Variants in STARD13 observed in about 807,000 individuals in gnomAD.
STARD13 encodes the protein StAR related lipid transfer domain containing 13.
A neutral mutation model predicts 106.4 loss-of-function variants in STARD13; 62 were observed. The ratio of observed to expected loss-of-function variants is 0.58; its 90% CI spans 0.48 to 0.72. STARD13 has a LOEUF of 0.72. Among genes scored for constraint, STARD13 ranks in the 30% least tolerant of loss-of-function variants. The probability of loss-of-function intolerance (pLI) is 0.00; values close to 1 mark genes in which losing one functional copy is unlikely to be tolerated. For missense variants in STARD13, 1,387 were observed against 1,424.0 expected (o/e 0.97, Z 0.42); for synonymous variants, 565 against 553.0 (o/e 1.02, Z -0.31).
At chr13:33,291,301 A>G (rs1225336039) in intron 1 of STARD13, among the ~76,000 whole-genome samples, 1 of 152,224 alleles carries the variant, frequency 6.6e-6, no homozygotes, top group East Asian at 1.9e-4. Flanking sequence ...AAGCCCTTGT[A>G]AGAATGTTTT....
chr13:33,154,363 C>G (rs891492680), intron 3 of STARD13, among the ~76,000 whole-genome samples: 1 of 152,144 alleles, frequency 6.6e-6, no homozygotes, highest in Non-Finnish European at 1.5e-5. Flanking sequence ...AAAAGAACTG[C>G]CCCTGGACAT....
the STARD13 span, among the ~76,000 whole-genome samples, chr13:33,674,876 T>A: frequency 1.3e-5 from 2 of 152,222 alleles, no homozygotes; most frequent in Non-Finnish European, 2.9e-5. Flanking sequence ...TTAATGAAAC[T>A]AACACATTAC....
chr13:33,449,263 T>C, the STARD13 span, among the ~76,000 whole-genome samples: 3 of 152,188 alleles, frequency 2.0e-5, no homozygotes, highest in African/African-American at 4.8e-5. Flanking sequence ...TTAATTCATC[T>C]TGAGTTGATG....
the STARD13 span, among the ~76,000 whole-genome samples, chr13:33,401,974 T>C: frequency 2.6e-5 from 4 of 152,216 alleles, no homozygotes; most frequent in East Asian, 7.7e-4. Flanking sequence ...ATGTGATGAG[T>C]AGTTATTACA....
chr13:33,361,467 G>A, the STARD13 span, among the ~76,000 whole-genome samples: 1 of 152,186 alleles, frequency 6.6e-6, no homozygotes, highest in Non-Finnish European at 1.5e-5. Context: ...TTAGACTGTA[G>A]CTCGGGGGAG....
At chr13:33,254,678 C>T (rs928191225) in intron 1 of STARD13, among the ~76,000 whole-genome samples, 5 of 152,136 alleles carry the variant, frequency 3.3e-5, no homozygotes, top group Non-Finnish European at 5.9e-5. Context: ...GAGACAAGCA[C>T]ACGAACTGTG....
At chr13:33,454,579 G>C in the STARD13 span, among the ~76,000 whole-genome samples, 2,208 of 152,298 alleles carry the variant, frequency 0.014, 60 homozygotes, top group African/African-American at 0.048. Context: ...TCAGTGGCCT[G>C]TCTGAGCTCT....
chr13:33,141,893 A>G (rs1275762393), intron 4 of STARD13, among the ~76,000 whole-genome samples: 1 of 152,238 alleles, frequency 6.6e-6, no homozygotes. Context: ...TAATAAAAAA[A>G]GAAAGCAAAA....
chr13:33,381,838 A>G, the STARD13 span, among the ~76,000 whole-genome samples: 24 of 152,358 alleles, frequency 1.6e-4, no homozygotes, highest in East Asian at 3.9e-4. Context: ...AGTGTTTTCA[A>G]TATTATTTCT....
chr13:33,566,370 G>T, the STARD13 span, among the ~76,000 whole-genome samples: 1 of 147,790 alleles, frequency 6.8e-6, no homozygotes, highest in Non-Finnish European at 1.5e-5. Context: ...TCCACTGGGG[G>T]TCTTGGAATG....
At chr13:33,670,410 T>A in the STARD13 span, among the ~76,000 whole-genome samples, 1 of 152,192 alleles carries the variant, frequency 6.6e-6, no homozygotes, top group African/African-American at 2.4e-5. Flanking sequence ...CATTTTTTTG[T>A]CTATAACATA....
the STARD13 span, among the ~76,000 whole-genome samples, chr13:33,645,445 G>A: frequency 6.6e-6 from 1 of 152,314 alleles, no homozygotes; most frequent in Middle Eastern, 3.4e-3. Flanking sequence ...AGAATTGTGA[G>A]TAAATAGTGT....
intron 1 of STARD13, among the ~76,000 whole-genome samples, chr13:33,181,508 A>G (rs575215530): frequency 1.3e-5 from 2 of 152,282 alleles, no homozygotes; most frequent in South Asian, 2.1e-4. Context: ...GTGAATGACT[A>G]TAAGAGAAAA....
chr13:33,161,764 T>C (rs1429717075), intron 3 of STARD13, among the ~76,000 whole-genome samples: 3 of 152,076 alleles, frequency 2.0e-5, no homozygotes, highest in Non-Finnish European at 4.4e-5. Context: ...TACCCGAGAC[T>C]GGGAAGAAAA....
chr13:33,473,121 G>T, the STARD13 span, among the ~76,000 whole-genome samples: 1 of 152,164 alleles, frequency 6.6e-6, no homozygotes, highest in Non-Finnish European at 1.5e-5. Context: ...TATCAAGTGG[G>T]TGCATCCCAT....
At chr13:33,314,250 C>A (rs935477539) in intron 1 of STARD13, among the ~76,000 whole-genome samples, 5 of 152,092 alleles carry the variant, frequency 3.3e-5, no homozygotes, top group African/African-American at 1.2e-4. Context: ...GATAGGTACC[C>A]AAAGTCCAGC....
the STARD13 span, among the ~76,000 whole-genome samples, chr13:33,449,709 CA>C: frequency 6.6e-6 from 1 of 152,162 alleles, no homozygotes; most frequent in African/African-American, 2.4e-5. Context: ...GACATTTTAA[CA>C]ATATAAATTA....
exon 1 of STARD13, chr13:33,350,584 G>A (rs1594295984): frequency 7.2e-7 from 1 of 1,389,106 alleles, no homozygotes; most frequent in Non-Finnish European, 9.3e-7. Context: ...TGCGCCACGC[G>A]CGAGGACCGG....
At chr13:33,487,789 A>G in the STARD13 span, among the ~76,000 whole-genome samples, 2 of 152,296 alleles carry the variant, frequency 1.3e-5, no homozygotes, top group East Asian at 1.9e-4. Context: ...TATCATCCAC[A>G]AACTTCACCA....
Sources: allele counts gnomAD v4.1 joint callset (sites outside exome capture counted in the v4.1 genomes callset), GRCh38; gene constraint gnomAD v4.1.1; transcripts MANE v1.5; gene names NCBI Gene and HGNC (gene_info 2026-07-23, HGNC 2026-07-21).